The following ADAMTS13 variants were observed in gnomAD, a reference collection of about 807,000 sequenced individuals.
ADAMTS13 encodes the protein A disintegrin and metalloproteinase with thrombospondin motifs 13.
A neutral mutation model predicts 155.1 loss-of-function variants in ADAMTS13; 110 were observed. That is an observed-to-expected ratio of 0.71 (90% CI 0.61 to 0.83). ADAMTS13 has a LOEUF of 0.83. Ranked by LOEUF, ADAMTS13 falls within the 40% of genes least tolerant of loss-of-function variation. The pLI is 0.00. For synonymous variants in ADAMTS13, 758 were observed against 756.4 expected, an observed-to-expected ratio of 1.00 and a Z score of -0.03; for missense variants, 1,707 against 1,891.7, an observed-to-expected ratio of 0.90 and a Z score of 1.81.
upstream of ADAMTS13, chr9:133,418,226 G>A: frequency 3.5e-6 from 1 of 285,834 alleles, no homozygotes. Flanking sequence ...TGAGAGATGC[G>A]AACGCCGGAA....
chr9:133,454,888 C>T (rs587728631), intron 24 of ADAMTS13, among the ~76,000 whole-genome samples: 7 of 152,284 alleles, frequency 4.6e-5, no homozygotes, highest in Middle Eastern at 3.4e-3. Flanking sequence ...GAGGGAATGC[C>T]AGCTGTGCCA....
intron 12 of ADAMTS13, 84 bp downstream of exon 12, chr9:133,437,039 A>ACTAT: frequency 6.7e-7 from 1 of 1,495,422 alleles, no homozygotes; most frequent in Non-Finnish European, 9.0e-7. Flanking sequence ...GGGTTGGCCT[A>ACTAT]CTATCCCTCC....
At position 133,432,738 on chromosome 9, in the gene ADAMTS13, G is replaced by T. The variant is rs782798795; in HGVS notation, c.1092+46G>T. 42 of 1,532,110 alleles carry T rather than the reference G, an allele frequency of 2.7e-5. 1 individual carries two copies. In the South Asian group the frequency reaches 4.9e-4, roughly 18 times the overall value. 94.9% of individuals were successfully genotyped at this position (1,532,110 alleles called of 1,614,324 possible). A position where few individuals can be genotyped will look rare whatever the true frequency, so the allele number is the denominator to read the frequency against. On this transcript the variant is annotated intron_variant, in intron 9 of 28. Coordinates refer to ENST00000355699, the MANE Select transcript of ADAMTS13 (RefSeq NM_139027.6). Reference sequence around the variant, plus strand: ...AGTGGGCTCCTGTGAGCACGTGCACGTGGGTGCCTCCAGCCAGGCCGCCCT... The same window carrying T: ...AGTGGGCTCCTGTGAGCACGTGCACTTGGGTGCCTCCAGCCAGGCCGCCCT...
In ADAMTS13 at chr9:133,459,040, G is replaced by A; in HGVS notation, c.3976G>A (p.Glu1326Lys). 2.5e-6 allele frequency: 4 copies of A among 1,613,220 alleles called. No homozygotes were observed. Among genetic ancestry groups the A allele is most frequent in the Non-Finnish European group, 3.4e-6 (4 of 1,180,008 alleles). The change falls in exon 29 of 29, where the codon GAG becomes AAG. Residue 1326 changes from glutamate (E) to lysine (K), a missense_variant. Physicochemically the swap from Glu to Lys is moderately conservative, Grantham distance 56 (BLOSUM62 1). Coordinates refer to ENST00000355699, the MANE Select transcript of ADAMTS13 (RefSeq NM_139027.6). Reference protein sequence around the residue: ...HGQQVLYWESESSQAEMEFSE... With the variant: ...HGQQVLYWESKSSQAEMEFSE... Reference sequence around the variant, plus strand: ...GCAGCAGGTGCTCTACTGGGAGTCAGAGAGCAGCCAGGCTGAGATGGAGTT... The same window carrying A: ...GCAGCAGGTGCTCTACTGGGAGTCAAAGAGCAGCCAGGCTGAGATGGAGTT...
Position 133,454,272 on chromosome 9 carries a change from C to T in ADAMTS13, c.3045-143C>T, listed in dbSNP as rs1588205928. On this transcript the variant is annotated intron_variant, in intron 23 of 28. Coordinates refer to ENST00000355699, the MANE Select transcript of ADAMTS13 (RefSeq NM_139027.6). ...GCCCTGGCCCCAGACAGGAGGGGCT[C>T]AGTGGCTGCACTTTCCATCTTGCCT... is the stretch of plus-strand genomic sequence containing the variant. The T allele has an allele frequency of 8.2e-6, 8 of 980,886 alleles. No homozygotes were observed. In the East Asian group the frequency reaches 2.1e-4, roughly 25 times the overall value. 60.8% of individuals were successfully genotyped at this position (980,886 alleles called of 1,614,324 possible). A position where few individuals can be genotyped will look rare whatever the true frequency, so the allele number is the denominator to read the frequency against.
chr9:133,455,210 C>T, intron 24 of ADAMTS13, 75 bp from the exon 25 acceptor site: 2 of 1,494,488 alleles, frequency 1.3e-6, no homozygotes, highest in South Asian at 1.1e-5. Context: ...TGGATCACTC[C>T]TGGCCTGTGG....
rs369965233 is a variant in ADAMTS13, at chr9:133,445,833, G to C, written c.2731+14G>C. On this transcript the variant is annotated intron_variant, in intron 21 of 28. Transcript: ENST00000355699. The surrounding 1 kb of genome is among the most constrained non-coding windows in gnomAD (Gnocchi z 5.0). ...CCTGCGGGCGAGGTGAGGGCCCCCG[G>C]GATGCTCCTGGGGACCAGCACTCAT... The C allele has an allele frequency of 3.7e-5, 58 of 1,565,076 alleles. No homozygotes were observed. The highest frequency in any genetic ancestry group is 4.8e-5 in the Non-Finnish European group (55 of 1,149,404).
At position 133,456,624 on chromosome 9, in the gene ADAMTS13, C is replaced by T; in HGVS notation, c.3629C>T (p.Thr1210Ile). The T allele has an allele frequency of 6.2e-7, 1 of 1,612,280 alleles. No individual in the cohort carries two copies. Among genetic ancestry groups the T allele is most frequent in the South Asian group, 1.1e-5 (1 of 90,588 alleles). Residue 1210 changes from threonine (T) to isoleucine (I), a missense_variant, in exon 27 of 29, where the codon ACC (threonine) becomes ATC (isoleucine). Around this residue, in one of 3 missense-constraint regions of ADAMTS13, gnomAD observed 961 missense variants for 1,107.9 expected, o/e 0.87. Coordinates refer to ENST00000355699, the MANE Select transcript of ADAMTS13 (RefSeq NM_139027.6). This position sits in a 1 kb window ranked among gnomAD's most constrained non-coding sequence, Gnocchi z 4.4. ...TTGGACATGACTTTCAGCTCCAAGA[C>T]CAACACGCTGGTGGTGAGGCAGCGC... ...KLLDMTFSSK[T>I]NTLVVRQRCG... is the part of the protein sequence containing the mutation.
intron 1 of ADAMTS13, among the ~76,000 whole-genome samples, chr9:133,415,272 T>G (rs1839510556): frequency 6.6e-6 from 1 of 152,172 alleles, no homozygotes; most frequent in Non-Finnish European, 1.5e-5. Context: ...GCATACAAAA[T>G]GTCAAACTCA....
chr9:133,455,871 G>A, intron 25 of ADAMTS13, 198 bp from the exon 26 acceptor site: 1 of 791,228 alleles, frequency 1.3e-6, no homozygotes, highest in South Asian at 1.6e-5. Flanking sequence ...TGGATCATCT[G>A]GTAGCAGCCC....
In ADAMTS13 at chr9:133,424,547, T is replaced by C; in HGVS notation, c.330+69T>C. On this transcript the variant is annotated intron_variant, in intron 3 of 28. Transcript: ENST00000355699. This position sits in a 1 kb window ranked among gnomAD's most constrained non-coding sequence, Gnocchi z 4.3. ...CTGGTGACCAATGTCTGTGGGCTGG[T>C]GTATCTGGTAGTCTGAATACAGTGG... The C allele has an allele frequency of 1.3e-6, 2 of 1,562,430 alleles. No individual in the cohort carries two copies. The highest frequency in any genetic ancestry group is 2.3e-5 in the South Asian group (2 of 85,768).
In ADAMTS13 at chr9:133,459,146, A is replaced by G; in HGVS notation, c.4082A>G (p.Asp1361Gly). 2 of 1,612,312 alleles carry G rather than the reference A, an allele frequency of 1.2e-6. No homozygotes were observed. The highest frequency in any genetic ancestry group is 1.1e-5 in the South Asian group (1 of 90,904). ...CAATCATGGGTACCGGAGATGCAGGACCCTCAGTCCTGGAAGGGAAAGGAA... is the reference window on the plus strand; with the variant it reads ...CAATCATGGGTACCGGAGATGCAGGGCCCTCAGTCCTGGAAGGGAAAGGAA... ...TLQSWVPEMQ[D>G]PQSWKGKEGT The change falls in exon 29 of 29, where the codon GAC becomes GGC. Residue 1361 changes from aspartate (D) to glycine (G), a missense_variant. Physicochemically the swap from Asp to Gly is moderately conservative, Grantham distance 94 (BLOSUM62 -1). This residue lies in a region of ADAMTS13 where 961 missense variants were observed against 1,107.9 expected (regional missense o/e 0.87). Transcript: ENST00000355699.
chr9:133,421,631 G>A (rs929139518), upstream of ADAMTS13, among the ~76,000 whole-genome samples: 1 of 152,212 alleles, frequency 6.6e-6, no homozygotes, highest in Non-Finnish European at 1.5e-5. Context: ...TGAAACATTT[G>A]TTGGCTGAAG....
chr9:133,426,430 G>A (rs1840287435), intron 6 of ADAMTS13, 85 bp downstream of exon 6: 30 of 1,552,726 alleles, frequency 1.9e-5, no homozygotes, highest in Non-Finnish European at 2.5e-5. Flanking sequence ...GCAAGCAGTG[G>A]GTCCTTGTAG....
intron 7 of ADAMTS13, chr9:133,429,717 C>T: frequency 1.4e-6 from 1 of 712,246 alleles, no homozygotes; most frequent in Non-Finnish European, 2.5e-6. Flanking sequence ...CCTCCGTCGC[C>T]GCTCCCTCTG....
intron 24 of ADAMTS13, 41 bp downstream of exon 24, chr9:133,454,660 T>C (rs1295641362): frequency 6.4e-7 from 1 of 1,555,286 alleles, no homozygotes; most frequent in African/African-American, 1.4e-5. Context: ...GGGGCTGGGG[T>C]GGGCATCAGC....
intron 11 of ADAMTS13, among the ~76,000 whole-genome samples, chr9:133,435,363 T>A (rs1321693719): frequency 6.6e-6 from 1 of 151,450 alleles, no homozygotes; most frequent in Non-Finnish European, 1.5e-5. Context: ...ATTTTTTGTA[T>A]TTTTAGTAGA....
chr9:133,433,803 A>C, intron 11 of ADAMTS13, 99 bp downstream of exon 11: 1 of 1,443,100 alleles, frequency 6.9e-7, no homozygotes, highest in Non-Finnish European at 9.6e-7. Flanking sequence ...CACATTTGAG[A>C]AGGACATTGG....
At position 133,442,517 on chromosome 9, in the gene ADAMTS13, C is replaced by T. The variant is rs201605295; in HGVS notation, c.2087C>T (p.Ser696Leu). The T allele has an allele frequency of 3.7e-5, 59 of 1,613,650 alleles. No homozygotes were observed. The highest frequency in any genetic ancestry group is 4.5e-5 in the East Asian group (2 of 44,880). The change falls in exon 17 of 29, where the codon TCG (serine) becomes TTG (leucine). Residue 696 changes from serine to leucine, a missense_variant. Physicochemically the swap from Ser to Leu is moderately radical, Grantham distance 145. Around this residue, in one of 3 missense-constraint regions of ADAMTS13, gnomAD observed 961 missense variants for 1,107.9 expected, o/e 0.87. Coordinates refer to ENST00000355699, the MANE Select transcript of ADAMTS13 (RefSeq NM_139027.6). Reference protein sequence around the residue: ...WVWAAVRGPCSVSCGAGLRWV... With the variant: ...WVWAAVRGPCLVSCGAGLRWV... ...TGGGCCGCTGTGCGTGGGCCCTGCT[C>T]GGTGAGCTGTGGGGCAGGTGAGACC...
Sources: allele counts gnomAD v4.1 joint callset (sites outside exome capture counted in the v4.1 genomes callset), GRCh38; gene constraint gnomAD v4.1.1; regional missense constraint gnomAD v4.1.1; non-coding constraint Gnocchi (gnomAD v3.1); transcripts MANE v1.5; gene names NCBI Gene and HGNC (gene_info 2026-07-23, HGNC 2026-07-21).